RASA1: variants seen among roughly 807,000 people sequenced by gnomAD.
The protein encoded by RASA1 is RAS p21 protein activator 1, also known as ras GTPase-activating protein 1.
In RASA1, 25 loss-of-function variants were observed where a neutral mutation model predicts 132.2. The ratio of observed to expected loss-of-function variants is 0.19; its 90% CI spans 0.14 to 0.26. The LOEUF is 0.26. Ranked by LOEUF, RASA1 falls within the 10% of genes least tolerant of loss-of-function variation. The probability of loss-of-function intolerance (pLI) is 1.00; values close to 1 mark genes in which losing one functional copy is unlikely to be tolerated. For synonymous variants in RASA1, 477 were observed against 449.9 expected, an observed-to-expected ratio of 1.06 and a Z score of -0.76; for missense variants, 964 against 1,299.2, an observed-to-expected ratio of 0.74 and a Z score of 3.97.
At chr5:87,302,633 G>A (rs1344894697) in intron 1 of RASA1, among the ~76,000 whole-genome samples, 1 of 150,368 alleles carries the variant, frequency 6.7e-6, no homozygotes, top group Non-Finnish European at 1.5e-5. Flanking sequence ...CTAAAGCATA[G>A]TATTCTAAGT....
chr5:87,287,049 A>G (rs915027387), intron 1 of RASA1, among the ~76,000 whole-genome samples: 19 of 148,232 alleles, frequency 1.3e-4, no homozygotes, highest in African/African-American at 4.5e-4. Context: ...CACACCATAT[A>G]TATACCCCAT....
chr5:87,281,242 A>G (rs1397002036), intron 1 of RASA1, among the ~76,000 whole-genome samples: 2 of 144,498 alleles, frequency 1.4e-5, no homozygotes, highest in Non-Finnish European at 3.0e-5. Context: ...CCTTGCCAAC[A>G]CTTTTTTTTT....
intron 1 of RASA1, among the ~76,000 whole-genome samples, chr5:87,270,270 C>A (rs1020076707): frequency 6.7e-6 from 1 of 149,316 alleles, no homozygotes; most frequent in Non-Finnish European, 1.5e-5. Flanking sequence ...ATTTTGACAA[C>A]TTTGTTGAAT....
intron 1 of RASA1, chr5:87,299,819 AG>A (rs1240296560): frequency 1.3e-5 from 2 of 152,226 alleles, no homozygotes; most frequent in Non-Finnish European, 2.9e-5. Context: ...CTTACAAAGA[AG>A]GGGAACGTTT....
intron 8 of RASA1, 92 bp downstream of exon 8, chr5:87,349,456 TTTC>T (rs1226428547): frequency 7.0e-7 from 1 of 1,420,248 alleles, no homozygotes; most frequent in East Asian, 2.4e-5. Flanking sequence ...TATATAAAAG[TTTC>T]TAACTTCTAA....
intron 1 of RASA1, among the ~76,000 whole-genome samples, chr5:87,305,996 G>T (rs575551747): frequency 6.6e-6 from 1 of 152,310 alleles, no homozygotes; most frequent in African/African-American, 2.4e-5. Flanking sequence ...TGGAGAAAAA[G>T]GAATGCTTAT....
intron 8 of RASA1, among the ~76,000 whole-genome samples, chr5:87,352,907 T>C (rs1158303501): frequency 1.3e-5 from 2 of 151,976 alleles, no homozygotes; most frequent in Non-Finnish European, 2.9e-5. Flanking sequence ...TTGACCTGGC[T>C]GCCCACTTGA....
intron 1 of RASA1, among the ~76,000 whole-genome samples, chr5:87,294,005 T>A (rs1755013399): frequency 6.6e-6 from 1 of 152,096 alleles, no homozygotes; most frequent in African/African-American, 2.4e-5. Flanking sequence ...TTTATTGATT[T>A]TTTCAGAAAA....
chr5:87,379,515 T>C (rs1761557134), intron 18 of RASA1, among the ~76,000 whole-genome samples: 1 of 152,224 alleles, frequency 6.6e-6, no homozygotes, highest in Non-Finnish European at 1.5e-5. Context: ...ACTGTTTGCT[T>C]TTCAGTTGGC....
At chr5:87,307,221 G>A (rs1366478501) in intron 1 of RASA1, among the ~76,000 whole-genome samples, 2 of 151,952 alleles carry the variant, frequency 1.3e-5, no homozygotes, top group African/African-American at 2.4e-5. Context: ...ATTCTTTTCT[G>A]TATTTTCTTT....
intron 13 of RASA1, 80 bp from the exon 14 acceptor site, chr5:87,374,083 C>T (rs1226520584): frequency 8.4e-7 from 1 of 1,195,910 alleles, no homozygotes; most frequent in Non-Finnish European, 1.1e-6. Context: ...GGCTTTGTAT[C>T]TTAGAGTAAT....
chr5:87,273,929 C>T (rs974793928), intron 1 of RASA1, among the ~76,000 whole-genome samples: 3 of 152,160 alleles, frequency 2.0e-5, no homozygotes, highest in Admixed American at 6.5e-5. Context: ...AACTCCTAAC[C>T]TCAGGTGATC....
In RASA1 at chr5:87,328,482, CAGAA is replaced by C. The variant is rs1326796930; in HGVS notation, c.540-2863_540-2860del. ...TTATTGCTGTGACTATTTGTAGAGG[CAGAA>C]AGTGTAGCATTTTTAAAAATTGAGT... On this transcript the variant is annotated intron_variant, in intron 1 of 24. Transcript: ENST00000274376. Among the ~76,000 whole-genome samples, 5 of 152,092 alleles carry C rather than the reference CAGAA, an allele frequency of 3.3e-5. No individual in the cohort carries two copies. In the East Asian group the frequency reaches 9.6e-4, roughly 29 times the overall value.
chr5:87,332,485 G>T (rs765878106), intron 2 of RASA1, 22 bp from the exon 3 acceptor site: 2 of 1,593,792 alleles, frequency 1.3e-6, no homozygotes, highest in Non-Finnish European at 1.7e-6. Flanking sequence ...TTTTTATACT[G>T]TATTTTTTCC....
At chr5:87,342,743 C>G (rs1372027346) in intron 6 of RASA1, among the ~76,000 whole-genome samples, 1 of 152,082 alleles carries the variant, frequency 6.6e-6, no homozygotes, top group Admixed American at 6.6e-5. Context: ...AAGGTAATCA[C>G]TTTGTCTAGT....
At chr5:87,378,143 A>G (rs1010511076) in intron 17 of RASA1, among the ~76,000 whole-genome samples, 1 of 152,116 alleles carries the variant, frequency 6.6e-6, no homozygotes, top group African/African-American at 2.4e-5. Flanking sequence ...CTGAGTCTTC[A>G]TTTTTCCATA....
intron 4 of RASA1, among the ~76,000 whole-genome samples, chr5:87,333,791 CTG>C (rs1757763848): frequency 6.6e-6 from 1 of 152,090 alleles, no homozygotes; most frequent in African/African-American, 2.4e-5. Flanking sequence ...ATCAGATTAT[CTG>C]TGTCTTTCTA....
At chr5:87,309,848 A>C (rs1755790059) in intron 1 of RASA1, among the ~76,000 whole-genome samples, 2 of 152,118 alleles carry the variant, frequency 1.3e-5, no homozygotes, top group African/African-American at 4.8e-5. Context: ...TTCTAAGTTG[A>C]TAACTTTCCA....
chr5:87,376,075 G>A (rs893769151), intron 15 of RASA1, among the ~76,000 whole-genome samples: 5 of 151,942 alleles, frequency 3.3e-5, no homozygotes, highest in Admixed American at 2.0e-4. Flanking sequence ...CTCTGTACTC[G>A]AATAGCATTC....
Sources: gnomAD v4.1 joint callset for allele counts (sites outside exome capture counted in the v4.1 genomes callset) on GRCh38, gnomAD v4.1.1 for gene constraint, MANE v1.5 for transcripts, NCBI Gene and HGNC (gene_info 2026-07-23, HGNC 2026-07-21) for gene names.